The following LIPA variants were observed in gnomAD, a reference collection of about 807,000 sequenced individuals.
LIPA encodes lysosomal acid lipase/cholesteryl ester hydrolase.
In LIPA, 26 loss-of-function variants were observed where a neutral mutation model predicts 40.6. That is an observed-to-expected ratio of 0.64 (90% CI 0.47 to 0.89). The LOEUF is 0.89. LIPA is among the 40% of genes least tolerant of loss of function. LIPA has a pLI of 0.00. For missense variants in LIPA, 455 were observed against 479.6 expected, an observed-to-expected ratio of 0.95 and a Z score of 0.48; for synonymous variants, 188 against 168.4, an observed-to-expected ratio of 1.12 and a Z score of -0.90.
At chr10:89,403,132 T>TA (rs1174847446) in intron 2 of LIPA, 2 of 1,614,154 alleles carry the variant, frequency 1.2e-6, no homozygotes, top group Non-Finnish European at 1.7e-6. Context: ...ACTTCTGTCT[T>TA]ACTGCATCAC....
intron 1 of LIPA, chr10:89,284,612 A>C (rs1412724794): frequency 6.6e-6 from 1 of 152,242 alleles, no homozygotes; most frequent in African/African-American, 2.4e-5. Flanking sequence ...AAACTTTGGA[A>C]AAATGCCAGC....
intron 1 of LIPA, among the ~76,000 whole-genome samples, chr10:89,316,869 C>T (rs540729118): frequency 9.8e-4 from 149 of 152,324 alleles, no homozygotes; most frequent in African/African-American, 3.3e-3. Flanking sequence ...TGCACCTCTG[C>T]GATGAAGCTT....
chr10:89,346,498 T>C (rs1843922941), upstream of LIPA, among the ~76,000 whole-genome samples: 1 of 152,224 alleles, frequency 6.6e-6, no homozygotes, highest in Non-Finnish European at 1.5e-5. Context: ...AATGATTTTC[T>C]CTTTGCCATG....
chr10:89,259,745 A>G (rs533059379), intron 1 of LIPA, among the ~76,000 whole-genome samples: 1 of 152,354 alleles, frequency 6.6e-6, no homozygotes, highest in South Asian at 2.1e-4. Flanking sequence ...AACATGAATG[A>G]CTCTTAAAAT....
chr10:89,255,719 T>C (rs1340718792), upstream of LIPA, among the ~76,000 whole-genome samples: 3 of 152,196 alleles, frequency 2.0e-5, no homozygotes, highest in Non-Finnish European at 4.4e-5. Flanking sequence ...TGAATTTGAA[T>C]GGACAAACTA....
intron 2 of LIPA, among the ~76,000 whole-genome samples, chr10:89,381,418 A>T (rs1231954594): frequency 6.6e-6 from 1 of 152,166 alleles, no homozygotes; most frequent in Non-Finnish European, 1.5e-5. Flanking sequence ...ACACACCCCC[A>T]CACACAGGTT....
chr10:89,393,942 T>C (rs303217), intron 2 of LIPA, among the ~76,000 whole-genome samples: 94,704 of 152,114 alleles, frequency 0.62, 31,947 homozygotes, highest in African/African-American at 0.88. Flanking sequence ...TTATCACTTC[T>C]TGAATTCGTA....
chr10:89,328,256 T>TACAC (rs1443713000), intron 1 of LIPA, among the ~76,000 whole-genome samples: 1 of 152,204 alleles, frequency 6.6e-6, no homozygotes, highest in Non-Finnish European at 1.5e-5. Flanking sequence ...TTTTTTGGTG[T>TACAC]ACACACAGGC....
At chr10:89,373,574 T>C (rs976455878) in intron 2 of LIPA, among the ~76,000 whole-genome samples, 38 of 152,216 alleles carry the variant, frequency 2.5e-4, no homozygotes, top group African/African-American at 9.1e-4. Context: ...TCAGTGCACT[T>C]TGACCTACAT....
rs765731245 is a variant in LIPA, at chr10:89,403,356, G to A, written c.61+9435C>T. ...AGCAGGCAATCACAGAAAAGCTGAA[G>A]AGAATTTTCAAAAATTGTTATGCAT... On this transcript the variant is annotated intron_variant, in intron 2 of 8. Transcript: ENST00000371837. 52 of 1,612,992 alleles carry A rather than the reference G, an allele frequency of 3.2e-5. No homozygotes were observed. The South Asian group carries it at 5.5e-4, about 17-fold the overall frequency.
intron 2 of LIPA, among the ~76,000 whole-genome samples, chr10:89,347,975 A>C (rs1195185863): frequency 6.6e-6 from 1 of 152,194 alleles, no homozygotes. Context: ...TACCACCGTA[A>C]GGTTTCCATC....
At chr10:89,379,329 A>G (rs370787175) in intron 2 of LIPA, among the ~76,000 whole-genome samples, 1 of 152,202 alleles carries the variant, frequency 6.6e-6, no homozygotes, top group East Asian at 1.9e-4. Flanking sequence ...CAGAAACTCT[A>G]GGGTGGGGCC....
At chr10:89,393,309 G>A in intron 2 of LIPA, 1 of 1,288,010 alleles carries the variant, frequency 7.8e-7, no homozygotes. Flanking sequence ...AAGATAAACA[G>A]ATTGCCTCCT....
At chr10:89,281,192 C>T (rs1843312446) in intron 1 of LIPA, among the ~76,000 whole-genome samples, 1 of 152,190 alleles carries the variant, frequency 6.6e-6, no homozygotes, top group South Asian at 2.1e-4. Flanking sequence ...TAGGCCTCAA[C>T]ATGGCTCTCA....
intron 1 of LIPA, among the ~76,000 whole-genome samples, chr10:89,249,634 G>GA (rs200404592): frequency 0.018 from 2,661 of 148,332 alleles, 67 homozygotes; most frequent in Admixed American, 0.058. Flanking sequence ...TCAAAATAAG[G>GA]AAAAAAAAAA....
chr10:89,334,832 C>G (rs540458050), intron 1 of LIPA, among the ~76,000 whole-genome samples: 20 of 152,154 alleles, frequency 1.3e-4, no homozygotes, highest in African/African-American at 4.8e-4. Flanking sequence ...CATCATCCCA[C>G]CTGCCTGCTT....
upstream of LIPA, among the ~76,000 whole-genome samples, chr10:89,254,382 A>G (rs1407149028): frequency 6.6e-6 from 1 of 152,246 alleles, no homozygotes; most frequent in Non-Finnish European, 1.5e-5. Context: ...CTGTGAAGCC[A>G]TGGCCTGAGC....
intron 1 of LIPA, among the ~76,000 whole-genome samples, chr10:89,276,510 G>A (rs1288203330): frequency 6.6e-6 from 1 of 152,214 alleles, no homozygotes; most frequent in Admixed American, 6.5e-5. Flanking sequence ...CCTATCTTGA[G>A]ATATCTTTAT....
At chr10:89,307,315 T>C in intron 1 of LIPA, 1 of 1,613,636 alleles carries the variant, frequency 6.2e-7, no homozygotes, top group Non-Finnish European at 8.5e-7. Flanking sequence ...ATGAAGACTC[T>C]GAGAGGGGTT....
Sources: allele counts gnomAD v4.1 joint callset (sites outside exome capture counted in the v4.1 genomes callset), GRCh38; gene constraint gnomAD v4.1.1; transcripts MANE v1.5; gene names NCBI Gene and HGNC (gene_info 2026-07-23, HGNC 2026-07-21).